Variants in STXBP5L observed in about 807,000 individuals in gnomAD.
STXBP5L encodes syntaxin-binding protein 5-like.
STXBP5L carries 65 observed loss-of-function variants against 144.5 expected under a neutral mutation model. The ratio of observed to expected loss-of-function variants is 0.45; its 90% confidence interval spans 0.37 to 0.55. The LOEUF is 0.55. Ranked by LOEUF, STXBP5L falls within the 20% of genes least tolerant of loss-of-function variation. The pLI is 0.00. For missense variants in STXBP5L, 1,298 were observed against 1,405.5 expected, an observed-to-expected ratio of 0.92 and a Z score of 1.22; for synonymous variants, 505 against 469.6, an observed-to-expected ratio of 1.08 and a Z score of -0.97.
chr3:121,283,115 GTTGT>G (rs1450679796), intron 19 of STXBP5L, among the ~76,000 whole-genome samples: 4 of 151,768 alleles, frequency 2.6e-5, no homozygotes, highest in African/African-American at 9.7e-5. Context: ...TAAAAAGCAG[GTTGT>G]TTAACAATAT....
rs79896788 is a variant in STXBP5L, at chr3:121,121,297, T to C, written c.606-344T>C. On this transcript the variant is annotated intron_variant, in intron 6 of 26. Coordinates refer to ENST00000471454, the MANE Select transcript of STXBP5L (RefSeq NM_001308330.2). ...AGACAGTTTTACACCATTACCTTTG[T>C]AGCTGTAGTGTTCTTTTATCTATGT... is the stretch of plus-strand genomic sequence containing the variant. 4.0e-3 allele frequency among the ~76,000 whole-genome samples: 603 copies of C among 151,416 alleles called. 1 individual carries two copies. The highest frequency in any genetic ancestry group is 0.013 in the African/African-American group (556 of 41,514).
intron 5 of STXBP5L, chr3:121,099,217 T>C (rs2043292002): frequency 6.6e-6 from 1 of 152,222 alleles, no homozygotes; most frequent in African/African-American, 2.4e-5. Flanking sequence ...GTCTGCCAAA[T>C]TGGTATCAGG....
chr3:120,920,513 T>C (rs954720248), intron 2 of STXBP5L, among the ~76,000 whole-genome samples: 6 of 151,866 alleles, frequency 4.0e-5, no homozygotes, highest in African/African-American at 1.4e-4. Flanking sequence ...ATTAGAATTA[T>C]TCTCTTCCAG....
intron 3 of STXBP5L, among the ~76,000 whole-genome samples, chr3:121,008,931 A>AT (rs35274717): frequency 0.041 from 6,155 of 149,294 alleles, 200 homozygotes; most frequent in African/African-American, 0.087. Flanking sequence ...AATATAATCA[A>AT]TTTTTTTTTT....
intron 3 of STXBP5L, among the ~76,000 whole-genome samples, chr3:120,979,444 G>A (rs905320992): frequency 3.9e-5 from 6 of 152,136 alleles, no homozygotes; most frequent in Non-Finnish European, 5.9e-5. Context: ...TCCAGGTGCC[G>A]TCTGTCACCC....
At chr3:121,417,940 T>G (rs1029595501) in intron 25 of STXBP5L, among the ~76,000 whole-genome samples, 1 of 152,172 alleles carries the variant, frequency 6.6e-6, no homozygotes, top group African/African-American at 2.4e-5. Flanking sequence ...CAAAGGCTTA[T>G]ACATGAAGGT....
chr3:121,201,312 T>C (rs1470103102), intron 9 of STXBP5L, among the ~76,000 whole-genome samples: 1 of 152,222 alleles, frequency 6.6e-6, no homozygotes, highest in African/African-American at 2.4e-5. Context: ...TTAAAGTCTG[T>C]TTTATCAGAG....
At chr3:121,110,958 T>G (rs2043957146) in intron 5 of STXBP5L, among the ~76,000 whole-genome samples, 1 of 152,160 alleles carries the variant, frequency 6.6e-6, no homozygotes, top group Admixed American at 6.5e-5. Flanking sequence ...TTTCCTAATC[T>G]TATCTGCCTG....
At chr3:121,284,381 G>A (rs2051162585) in intron 19 of STXBP5L, among the ~76,000 whole-genome samples, 1 of 151,948 alleles carries the variant, frequency 6.6e-6, no homozygotes, top group Non-Finnish European at 1.5e-5. Flanking sequence ...CACCATCAGA[G>A]CCCTGTTGTG....
intron 5 of STXBP5L, among the ~76,000 whole-genome samples, chr3:121,056,292 C>G (rs946699586): frequency 6.6e-6 from 1 of 152,078 alleles, no homozygotes; most frequent in Non-Finnish European, 1.5e-5. Context: ...TTATGTAATA[C>G]TGGAGAAAGC....
chr3:121,236,863 G>A (rs1349473406), intron 12 of STXBP5L, among the ~76,000 whole-genome samples: 1 of 152,212 alleles, frequency 6.6e-6, no homozygotes, highest in African/African-American at 2.4e-5. Context: ...GGTAAAAATG[G>A]TTGTATAGGT....
chr3:120,965,009 C>T (rs923223091), intron 3 of STXBP5L, among the ~76,000 whole-genome samples: 1 of 152,080 alleles, frequency 6.6e-6, no homozygotes, highest in Non-Finnish European at 1.5e-5. Flanking sequence ...TGAATTGATC[C>T]CTTTACCATT....
intron 9 of STXBP5L, among the ~76,000 whole-genome samples, chr3:121,173,499 A>G (rs1192079323): frequency 6.6e-6 from 1 of 151,962 alleles, no homozygotes; most frequent in East Asian, 1.9e-4. Context: ...TGTGAGGGGC[A>G]CCAACTCCCC....
At chr3:121,027,787 A>T (rs1172567924) in intron 3 of STXBP5L, among the ~76,000 whole-genome samples, 1 of 152,088 alleles carries the variant, frequency 6.6e-6, no homozygotes, top group African/African-American at 2.4e-5. Flanking sequence ...ATGTAACATA[A>T]CATATTCAAA....
At chr3:121,214,433 A>T (rs2048699101) in intron 10 of STXBP5L, among the ~76,000 whole-genome samples, 1 of 152,108 alleles carries the variant, frequency 6.6e-6, no homozygotes, top group Non-Finnish European at 1.5e-5. Context: ...GTTTCAAGGA[A>T]ATTATTTATT....
intron 20 of STXBP5L, among the ~76,000 whole-genome samples, chr3:121,355,499 C>A (rs2045474281): frequency 6.6e-6 from 1 of 152,188 alleles, no homozygotes; most frequent in Admixed American, 6.5e-5. Flanking sequence ...CTTGTGCATG[C>A]ATCACGAATT....
chr3:121,035,548 A>T (rs2107526456), intron 3 of STXBP5L, among the ~76,000 whole-genome samples: 1 of 152,000 alleles, frequency 6.6e-6, no homozygotes, highest in South Asian at 2.1e-4. Flanking sequence ...TGGGTTCTCG[A>T]TTCTGTTCTA....
chr3:120,927,970 C>T (rs1709725544), intron 2 of STXBP5L, among the ~76,000 whole-genome samples: 1 of 151,992 alleles, frequency 6.6e-6, no homozygotes, highest in Admixed American at 6.6e-5. Context: ...ATTTAAAGAA[C>T]TTGGAACAAA....
intron 3 of STXBP5L, among the ~76,000 whole-genome samples, chr3:120,971,898 C>G (rs570313006): frequency 6.6e-6 from 1 of 151,876 alleles, no homozygotes; most frequent in African/African-American, 2.4e-5. Context: ...GTGTATATGA[C>G]TGTTTTTTAA....
Sources: gnomAD v4.1 joint callset for allele counts (sites outside exome capture counted in the v4.1 genomes callset) on GRCh38, gnomAD v4.1.1 for gene constraint, MANE v1.5 for transcripts, NCBI Gene and HGNC (gene_info 2026-07-23, HGNC 2026-07-21) for gene names.